Variants in UBE2G1 observed in about 807,000 individuals in gnomAD.
UBE2G1 encodes the protein ubiquitin-conjugating enzyme E2 G1.
In UBE2G1, 5 loss-of-function variants were observed where a neutral mutation model predicts 22.7. The observed-to-expected ratio is 0.22, with a 90% CI of 0.12 to 0.46. The LOEUF (loss-of-function observed/expected upper bound fraction) is 0.46, where lower values mean the gene tolerates loss of function less well. Ranked by LOEUF, UBE2G1 falls within the 20% of genes least tolerant of loss-of-function variation. UBE2G1 has a pLI of 0.99. For synonymous variants in UBE2G1, 74 were observed against 67.5 expected, an observed-to-expected ratio of 1.10 and a Z score of -0.47; for missense variants, 88 against 203.9, an observed-to-expected ratio of 0.43 and a Z score of 3.46.
intron 1 of UBE2G1, among the ~76,000 whole-genome samples, chr17:4,337,080 A>T (rs1419901518): frequency 4.6e-5 from 7 of 152,182 alleles, no homozygotes; most frequent in Admixed American, 4.6e-4. Context: ...AATTGAATGG[A>T]GTAATGTAAA....
chr17:4,287,550 T>C (rs929642122), intron 4 of UBE2G1, among the ~76,000 whole-genome samples: 2 of 152,232 alleles, frequency 1.3e-5, no homozygotes, highest in African/African-American at 4.8e-5. Flanking sequence ...TTTAGACTAA[T>C]ACTTGATTAA....
chr17:4,302,924 A>G (rs1471683856), intron 2 of UBE2G1, among the ~76,000 whole-genome samples: 1 of 152,236 alleles, frequency 6.6e-6, no homozygotes, highest in African/African-American at 2.4e-5. Context: ...CCAACCAACA[A>G]TGAAAGGTTT....
chr17:4,365,556 G>A (rs1403797300), intron 1 of UBE2G1, among the ~76,000 whole-genome samples: 1 of 152,086 alleles, frequency 6.6e-6, no homozygotes, highest in East Asian at 1.9e-4. Flanking sequence ...CGGAATCGCG[G>A]CGAGCACAAA....
At chr17:4,362,770 C>G (rs1218720297) in intron 1 of UBE2G1, among the ~76,000 whole-genome samples, 1 of 152,044 alleles carries the variant, frequency 6.6e-6, no homozygotes, top group Non-Finnish European at 1.5e-5. Flanking sequence ...CAGGGGGCAG[C>G]AGAATCGCTT....
At chr17:4,336,898 G>A (rs927156440) in intron 1 of UBE2G1, among the ~76,000 whole-genome samples, 4 of 152,076 alleles carry the variant, frequency 2.6e-5, no homozygotes, top group African/African-American at 9.7e-5. Context: ...ATGAGATCAA[G>A]TCTCTATGCA....
At chr17:4,324,630 C>T (rs1045552528) in intron 1 of UBE2G1, among the ~76,000 whole-genome samples, 1 of 152,008 alleles carries the variant, frequency 6.6e-6, no homozygotes, top group African/African-American at 2.4e-5. Flanking sequence ...ATTGTCCAGG[C>T]TGGTCTCAAA....
chr17:4,269,882 A>T lies in UBE2G1; in HGVS notation c.*2672T>A, dbSNP rs1968731480. ...AGCAGAGAGGAATCGCCTCACACTG[A>T]TGAGGCACTGGTGGGACAAAAGCCA... is the stretch of plus-strand genomic sequence containing the variant. On this transcript the variant is annotated 3_prime_UTR_variant, in exon 6 of 6. Transcript: ENST00000396981. 6.5e-6 allele frequency: 1 copy of T among 154,924 alleles called. No homozygotes were observed. Among genetic ancestry groups the T allele is most frequent in the African/African-American group, 2.4e-5 (1 of 41,456 alleles). 9.6% of individuals were successfully genotyped at this position (154,924 alleles called of 1,614,324 possible).
intron 2 of UBE2G1, 59 bp from the exon 3 acceptor site, chr17:4,296,873 G>T: frequency 6.9e-7 from 1 of 1,442,966 alleles, no homozygotes; most frequent in Non-Finnish European, 9.6e-7. Flanking sequence ...AAGTATAGAA[G>T]TGTTAAAACA....
chr17:4,308,338 G>C (rs1265077774), intron 1 of UBE2G1, among the ~76,000 whole-genome samples: 2 of 151,976 alleles, frequency 1.3e-5, no homozygotes, highest in Non-Finnish European at 2.9e-5. Flanking sequence ...GGGCAACAAG[G>C]GCAAAACTCT....
At chr17:4,294,444 A>AC (rs1567516895) in intron 3 of UBE2G1, among the ~76,000 whole-genome samples, 14 of 71,012 alleles carry the variant, frequency 2.0e-4, no homozygotes, top group Admixed American at 8.3e-4. Context: ...AAAAAAAGAA[A>AC]GAAACGAAAA....
At chr17:4,308,171 T>C (rs935829024) in intron 1 of UBE2G1, among the ~76,000 whole-genome samples, 2 of 152,012 alleles carry the variant, frequency 1.3e-5, no homozygotes, top group African/African-American at 2.4e-5. Flanking sequence ...CTGACCAACA[T>C]GGAGAAACGC....
intron 1 of UBE2G1, among the ~76,000 whole-genome samples, chr17:4,336,747 A>G (rs949271584): frequency 6.6e-6 from 1 of 152,084 alleles, no homozygotes; most frequent in Non-Finnish European, 1.5e-5. Context: ...GGCTGGGATT[A>G]CATGTGAGCC....
At chr17:4,291,341 C>T (rs143600248) in intron 3 of UBE2G1, among the ~76,000 whole-genome samples, 7 of 111,136 alleles carry the variant, frequency 6.3e-5, no homozygotes, top group South Asian at 3.1e-4. Context: ...GCCTGGGCAA[C>T]GGGCGAAACT....
chr17:4,289,967 GA>G (rs1969014160), intron 3 of UBE2G1, among the ~76,000 whole-genome samples: 1 of 152,130 alleles, frequency 6.6e-6, no homozygotes, highest in Admixed American at 6.5e-5. Flanking sequence ...TACTGCCAAT[GA>G]AAACTCATCA....
At chr17:4,333,303 G>C (rs1315759923) in intron 1 of UBE2G1, among the ~76,000 whole-genome samples, 1 of 152,118 alleles carries the variant, frequency 6.6e-6, no homozygotes, top group Non-Finnish European at 1.5e-5. Context: ...AAGAATGTGT[G>C]TATCTCAGCC....
At chr17:4,290,919 G>A (rs1258466023) in intron 3 of UBE2G1, among the ~76,000 whole-genome samples, 2 of 151,978 alleles carry the variant, frequency 1.3e-5, no homozygotes, top group African/African-American at 4.8e-5. Context: ...GCACACATCT[G>A]ACAGAGAAGT....
chr17:4,363,838 G>A (rs1340822633), intron 1 of UBE2G1, among the ~76,000 whole-genome samples: 1 of 150,626 alleles, frequency 6.6e-6, no homozygotes, highest in Non-Finnish European at 1.5e-5. Flanking sequence ...TGTAGTCCCA[G>A]CTACTCGGGA....
intron 1 of UBE2G1, among the ~76,000 whole-genome samples, chr17:4,340,552 T>C (rs1969699480): frequency 6.6e-6 from 1 of 152,036 alleles, no homozygotes; most frequent in Non-Finnish European, 1.5e-5. Context: ...GATCTGATGG[T>C]TTTATAAGGT....
chr17:4,276,192 C>T (rs1489073238), intron 5 of UBE2G1, among the ~76,000 whole-genome samples: 1 of 152,080 alleles, frequency 6.6e-6, no homozygotes, highest in African/African-American at 2.4e-5. Flanking sequence ...ACTGAAGCCC[C>T]CCCGCCCTTT....
Sources: allele counts gnomAD v4.1 joint callset (sites outside exome capture counted in the v4.1 genomes callset), GRCh38; gene constraint gnomAD v4.1.1; transcripts MANE v1.5; gene names NCBI Gene and HGNC (gene_info 2026-07-23, HGNC 2026-07-21).